MANF: variants seen among roughly 807,000 people sequenced by gnomAD.
MANF encodes the protein mesencephalic astrocyte derived neurotrophic factor, also known as mesencephalic astrocyte-derived neurotrophic factor.
MANF carries 9 observed loss-of-function variants against 19.1 expected under a neutral mutation model. The observed-to-expected ratio is 0.47, with a 90% CI of 0.28 to 0.82. The LOEUF (loss-of-function observed/expected upper bound fraction) is 0.82, where lower values mean the gene tolerates loss of function less well. Ranked by LOEUF, MANF falls within the 40% of genes least tolerant of loss-of-function variation. The pLI is 0.10. For missense variants in MANF, 225 were observed against 226.7 expected, an observed-to-expected ratio of 0.99 and a Z score of 0.05; for synonymous variants, 89 against 88.0, an observed-to-expected ratio of 1.01 and a Z score of -0.06.
chr3:51,386,281 T>G lies in MANF; in HGVS notation c.168T>G (p.Ile56Met), dbSNP rs377698458. ...DRDVTFSPAT[I>M]ENELIKFCRE... ...ATGTCACATTCTCACCAGCCACTAT[T>G]GAAAACGAACTTATAAAGTTCTGCC... The change falls in exon 2 of 4, where the codon ATT becomes ATG. Residue 56 changes from isoleucine to methionine, a missense_variant. By Grantham distance (10) the Ile-to-Met change is conservative. Transcript: ENST00000528157. 233 of 1,613,796 alleles carry G rather than the reference T, an allele frequency of 1.4e-4. No individual in the cohort carries two copies. Among genetic ancestry groups the G allele is most frequent in the Non-Finnish European group, 1.9e-4 (225 of 1,179,854 alleles).
At chr3:51,387,649 CAG>C (rs782363481) in intron 2 of MANF, 86 bp from the exon 3 acceptor site, 88 of 1,311,016 alleles carry the variant, frequency 6.7e-5, no homozygotes, top group Non-Finnish European at 9.4e-5. Flanking sequence ...TAAGGCCCTA[CAG>C]AGAGATGATG....
Position 51,386,250 on chromosome 3 carries a change from A to G in MANF, c.137A>G (p.Asp46Gly), listed in dbSNP as rs1553620887. ...YLGRFYQDLK[D>G]RDVTFSPATI... ...GGAAGATTTTACCAGGACCTCAAAGACAGAGATGTCACATTCTCACCAGCC... is the reference window on the plus strand; with the variant it reads ...GGAAGATTTTACCAGGACCTCAAAGGCAGAGATGTCACATTCTCACCAGCC... Residue 46 changes from aspartate to glycine, a missense_variant, in exon 2 of 4, where the codon GAC becomes GGC. Coordinates refer to ENST00000528157, the MANE Select transcript of MANF (RefSeq NM_006010.6). 6.2e-7 allele frequency: 1 copy of G among 1,613,832 alleles called. No homozygotes were observed. Among genetic ancestry groups the G allele is most frequent in the Non-Finnish European group, 8.5e-7 (1 of 1,179,782 alleles).
Sources: gnomAD v4.1 joint callset for allele counts on GRCh38, gnomAD v4.1.1 for gene constraint, MANE v1.5 for transcripts, NCBI Gene and HGNC (gene_info 2026-07-23, HGNC 2026-07-21) for gene names.